The following MACF1 variants were observed in gnomAD, a reference collection of about 807,000 sequenced individuals.
The protein encoded by MACF1 is microtubule-actin cross-linking factor 1.
Under a neutral mutation model 854.8 loss-of-function variants are expected in MACF1, and 193 were observed. That is an observed-to-expected ratio of 0.23 (90% CI 0.20 to 0.25). The LOEUF (loss-of-function observed/expected upper bound fraction) is 0.25, where lower values mean the gene tolerates loss of function less well. Ranked by LOEUF, MACF1 falls within the 10% of genes least tolerant of loss-of-function variation. The probability of loss-of-function intolerance (pLI) is 1.00; values close to 1 mark genes in which losing one functional copy is unlikely to be tolerated. For synonymous variants in MACF1, 3,185 were observed against 3,226.7 expected (o/e 0.99, Z 0.44); for missense variants, 7,722 against 8,929.1 (o/e 0.86, Z 5.45).
At chr1:39,289,596 T>A (rs1008321875) in intron 15 of MACF1, among the ~76,000 whole-genome samples, 9 of 152,032 alleles carry the variant, frequency 5.9e-5, no homozygotes, top group African/African-American at 2.2e-4. Flanking sequence ...ATTAGTTTTT[T>A]TCCAGTAGAG....
chr1:39,285,762 A>C lies in MACF1; in HGVS notation c.1508+4A>C, dbSNP rs1047617665. ...AGCTAGAAGAGCTGGCTTTTAGGTG[A>C]GGAACAAGGGACTCAAATGGAGGGC... is the stretch of plus-strand genomic sequence containing the variant. On this transcript the variant is annotated splice_donor_region_variant and intron_variant, in intron 14 of 100. Transcript: ENST00000564288. 18 of 1,613,738 alleles carry C rather than the reference A, an allele frequency of 1.1e-5. No homozygotes were observed. Among genetic ancestry groups the C allele is most frequent in the Non-Finnish European group, 1.5e-5 (18 of 1,179,890 alleles).
chr1:39,439,100 A>G (rs560867559), intron 71 of MACF1, among the ~76,000 whole-genome samples, 174 bp from the exon 72 acceptor site: 1 of 151,820 alleles, frequency 6.6e-6, no homozygotes, highest in East Asian at 1.9e-4. Flanking sequence ...AAAAAAAAAG[A>G]AAAAGAAATA....
At chr1:39,324,066 T>C (rs1646565011) in intron 33 of MACF1, 127 bp from the exon 34 acceptor site, 2 of 968,914 alleles carry the variant, frequency 2.1e-6, no homozygotes, top group African/African-American at 3.3e-5. Flanking sequence ...CTTGGGGTTA[T>C]TTTCACAGCC....
At chr1:39,325,054 CAA>C (rs1382169346) in intron 35 of MACF1, among the ~76,000 whole-genome samples, 3 of 152,130 alleles carry the variant, frequency 2.0e-5, no homozygotes, top group Non-Finnish European at 2.9e-5. Flanking sequence ...GGAATGGAAA[CAA>C]AGAGACTAAT....
intron 2 of MACF1, among the ~76,000 whole-genome samples, chr1:39,124,954 C>T (rs1360890689): frequency 2.0e-5 from 3 of 152,160 alleles, no homozygotes; most frequent in African/African-American, 7.2e-5. Flanking sequence ...TGCTATTGCT[C>T]TCAAACTTAT....
chr1:39,217,786 C>G (rs976075764), intron 1 of MACF1, among the ~76,000 whole-genome samples: 13 of 149,406 alleles, frequency 8.7e-5, no homozygotes, highest in African/African-American at 3.2e-4. Context: ...GGGTTGGGGG[C>G]GCGGCTGAGG....
At chr1:39,287,039 C>T (rs1430389700) in intron 14 of MACF1, among the ~76,000 whole-genome samples, 1 of 151,816 alleles carries the variant, frequency 6.6e-6, no homozygotes, top group African/African-American at 2.4e-5. Context: ...CGGCTCACTG[C>T]AACCTCCGCC....
At chr1:39,167,748 C>T (rs1324346070) in intron 2 of MACF1, among the ~76,000 whole-genome samples, 2 of 151,662 alleles carry the variant, frequency 1.3e-5, no homozygotes, top group Non-Finnish European at 2.9e-5. Context: ...GTGACAGGCA[C>T]CTATAATCTC....
chr1:39,312,049 G>A (rs1646311409), intron 26 of MACF1, among the ~76,000 whole-genome samples: 1 of 152,088 alleles, frequency 6.6e-6, no homozygotes, highest in African/African-American at 2.4e-5. Flanking sequence ...TTTCTATAGG[G>A]TGATACAAAA....
chr1:39,343,099 A>G (rs1219667993), intron 40 of MACF1, among the ~76,000 whole-genome samples: 1 of 152,164 alleles, frequency 6.6e-6, no homozygotes, highest in Non-Finnish European at 1.5e-5. Context: ...ATTAGTCAAT[A>G]AGAGAAAAGA....
intron 99 of MACF1, among the ~76,000 whole-genome samples, chr1:39,483,118 A>C (rs1303597452): frequency 1.7e-4 from 24 of 139,662 alleles, no homozygotes; most frequent in Non-Finnish European, 2.0e-4. Context: ...AAAAACACCC[A>C]CACATTTAAA....
At chr1:39,363,076 T>C (rs1648346773) in intron 49 of MACF1, among the ~76,000 whole-genome samples, 1 of 152,206 alleles carries the variant, frequency 6.6e-6, no homozygotes, top group Non-Finnish European at 1.5e-5. Flanking sequence ...TTTGGATTTG[T>C]TTTTGTCCTT....
chr1:39,218,389 A>G (rs751964025), intron 1 of MACF1, among the ~76,000 whole-genome samples: 1 of 152,214 alleles, frequency 6.6e-6, no homozygotes, highest in African/African-American at 2.4e-5. Flanking sequence ...ATGCAAAGGT[A>G]TGAACCATAG....
chr1:39,392,570 G>A (rs1165798022), intron 58 of MACF1, among the ~76,000 whole-genome samples: 1 of 152,024 alleles, frequency 6.6e-6, no homozygotes, highest in Admixed American at 6.6e-5. Flanking sequence ...AAGAGAAGAG[G>A]ATATGAATCT....
intron 58 of MACF1, among the ~76,000 whole-genome samples, chr1:39,419,874 C>T (rs1222358470): frequency 6.6e-6 from 1 of 151,114 alleles, no homozygotes; most frequent in Non-Finnish European, 1.5e-5. Context: ...TCGCCTGTTG[C>T]CCAGGCTGGT....
At position 39,331,194 on chromosome 1, in the gene MACF1, TTTTTTTA is replaced by T; in HGVS notation, c.4615-8_4615-2del. On this transcript the variant is annotated splice_acceptor_variant and splice_polypyrimidine_tract_variant and intron_variant, in intron 36 of 100. Coordinates refer to ENST00000564288, the MANE Select transcript of MACF1 (RefSeq NM_001394062.1). LOFTEE classifies it high-confidence loss of function. ...TTCCTTTTTTTTTTTTTTTTTTTTTTTTTTTTAGGAATGCAGAGCAGTTGCTGGGGTG... is the reference window on the plus strand; with the variant it reads ...TTCCTTTTTTTTTTTTTTTTTTTTTTGGAATGCAGAGCAGTTGCTGGGGTG... The T allele has an allele frequency of 9.8e-7, 1 of 1,022,728 alleles. No homozygotes were observed. Among genetic ancestry groups the T allele is most frequent in the African/African-American group, 1.9e-5 (1 of 52,266 alleles). 63.4% of individuals were successfully genotyped at this position (1,022,728 alleles called of 1,614,324 possible).
chr1:39,145,519 CT>C (rs11426752), intron 2 of MACF1, among the ~76,000 whole-genome samples: 2 of 151,248 alleles, frequency 1.3e-5, no homozygotes, highest in East Asian at 1.9e-4. Context: ...ACTCTCTGTG[CT>C]TTTTTTTTCT....
At chr1:39,448,881 T>A in intron 84 of MACF1, 118 bp downstream of exon 84, 1 of 659,322 alleles carries the variant, frequency 1.5e-6, no homozygotes, top group Non-Finnish European at 2.4e-6. Flanking sequence ...TGTACCATCT[T>A]AACACCACCA....
intron 1 of MACF1, among the ~76,000 whole-genome samples, chr1:39,209,168 C>T (rs1490691444): frequency 2.7e-5 from 4 of 150,402 alleles, no homozygotes; most frequent in South Asian, 4.2e-4. Flanking sequence ...TGCAGTGAGC[C>T]GAGATCTCAC....
Sources: allele counts gnomAD v4.1 joint callset (sites outside exome capture counted in the v4.1 genomes callset), GRCh38; gene constraint gnomAD v4.1.1; transcripts MANE v1.5; gene names NCBI Gene and HGNC (gene_info 2026-07-23, HGNC 2026-07-21).